BOLL: variants seen among roughly 807,000 people sequenced by gnomAD.
BOLL encodes boule RNA binding protein, also known as protein boule-like.
A neutral mutation model predicts 44.4 loss-of-function variants in BOLL; 23 were observed. The ratio of observed to expected loss-of-function variants is 0.52; its 90% confidence interval spans 0.37 to 0.73. The LOEUF (loss-of-function observed/expected upper bound fraction) is 0.73. Ranked by LOEUF, BOLL falls within the 30% of genes least tolerant of loss-of-function variation. The pLI is 0.00. For missense variants in BOLL, 287 were observed against 338.3 expected (o/e 0.85, Z 1.19); for synonymous variants, 97 against 110.8 (o/e 0.88, Z 0.78).
chr2:197,771,814 T>G (rs754651656), intron 6 of BOLL, 41 bp downstream of exon 6: 1 of 1,485,038 alleles, frequency 6.7e-7, no homozygotes, highest in South Asian at 1.3e-5. Context: ...AAAAAATTGA[T>G]AGTAATAGAT....
At chr2:197,742,507 C>T (rs1452930080) in intron 10 of BOLL, among the ~76,000 whole-genome samples, 1 of 152,118 alleles carries the variant, frequency 6.6e-6, no homozygotes, top group East Asian at 1.9e-4. Flanking sequence ...AGTTCATGTC[C>T]TTTGTAGGGA....
intron 2 of BOLL, among the ~76,000 whole-genome samples, chr2:197,779,785 A>T (rs921479822): frequency 6.6e-6 from 1 of 151,956 alleles, no homozygotes; most frequent in African/African-American, 2.4e-5. Context: ...GACTCATATC[A>T]CCTTTTCTCA....
At chr2:197,757,706 C>G (rs1316797413) in intron 7 of BOLL, among the ~76,000 whole-genome samples, 2 of 152,054 alleles carry the variant, frequency 1.3e-5, no homozygotes, top group Non-Finnish European at 2.9e-5. Flanking sequence ...TAGATTTCAT[C>G]AAAACTTTAA....
At chr2:197,750,102 G>T (rs1171419106) in intron 9 of BOLL, among the ~76,000 whole-genome samples, 1 of 152,204 alleles carries the variant, frequency 6.6e-6, no homozygotes, top group Non-Finnish European at 1.5e-5. Flanking sequence ...AATGCTGAGA[G>T]ACTTTGTCAC....
intron 10 of BOLL, among the ~76,000 whole-genome samples, chr2:197,734,328 G>A (rs2106314205): frequency 1.3e-5 from 2 of 152,224 alleles, no homozygotes; most frequent in South Asian, 4.2e-4. Context: ...TGCTGGAGAA[G>A]ATGTGGAGAA....
chr2:197,771,040 C>T (rs1689228346), intron 6 of BOLL, among the ~76,000 whole-genome samples: 1 of 152,136 alleles, frequency 6.6e-6, no homozygotes, highest in South Asian at 2.1e-4. Context: ...TATAAAGAAA[C>T]ATGTAAACGT....
chr2:197,768,832 T>G (rs1330769298), intron 6 of BOLL, among the ~76,000 whole-genome samples: 1 of 149,488 alleles, frequency 6.7e-6, no homozygotes, highest in South Asian at 2.2e-4. Context: ...TGAGATACGT[T>G]CCATCAATAC....
chr2:197,757,213 T>A, intron 8 of BOLL, 140 bp downstream of exon 8: 1 of 652,366 alleles, frequency 1.5e-6, no homozygotes, highest in African/African-American at 1.8e-5. Flanking sequence ...ATGAAGAAAC[T>A]GAAAATGAAC....
chr2:197,775,799 A>G, intron 4 of BOLL, 59 bp from the exon 5 acceptor site: 1 of 1,053,300 alleles, frequency 9.5e-7, no homozygotes, highest in East Asian at 2.9e-5. Context: ...TATAAAATCA[A>G]TAAGGAAAAA....
chr2:197,734,937 T>G (rs1687412701), intron 10 of BOLL, among the ~76,000 whole-genome samples: 1 of 152,082 alleles, frequency 6.6e-6, no homozygotes, highest in South Asian at 2.1e-4. Context: ...ACATGTATCC[T>G]AAAACTTAAA....
intron 6 of BOLL, among the ~76,000 whole-genome samples, chr2:197,770,825 G>C (rs564725832): frequency 6.6e-6 from 1 of 151,990 alleles, no homozygotes; most frequent in South Asian, 2.1e-4. Flanking sequence ...TTAGAATGGC[G>C]ATCATTAAAA....
chr2:197,755,725 C>T (rs1255606166), intron 9 of BOLL, among the ~76,000 whole-genome samples: 1 of 152,170 alleles, frequency 6.6e-6, no homozygotes, highest in African/African-American at 2.4e-5. Context: ...AGGGGCACAA[C>T]ACACATTGGG....
intron 9 of BOLL, among the ~76,000 whole-genome samples, chr2:197,748,938 T>C (rs1436417178): frequency 6.6e-6 from 1 of 152,228 alleles, no homozygotes; most frequent in Non-Finnish European, 1.5e-5. Context: ...GCCTCCTGAC[T>C]GGGAGATACC....
Position 197,728,262 on chromosome 2 carries a change from T to C in BOLL, c.*293A>G, listed in dbSNP as rs188654881. Reference sequence around the variant, plus strand: ...AGACACCTCACTATTCCCAATGTGGTTATTATTTATGGAATGGATAAAACA... The same window carrying C: ...AGACACCTCACTATTCCCAATGTGGCTATTATTTATGGAATGGATAAAACA... On this transcript the variant is annotated 3_prime_UTR_variant, in exon 11 of 11. Coordinates refer to ENST00000392296, the MANE Select transcript of BOLL (RefSeq NM_033030.6). 98 of 447,940 alleles carry C rather than the reference T, an allele frequency of 2.2e-4. 1 individual carries two copies. In the East Asian group the frequency reaches 2.8e-3, roughly 13 times the overall value. 27.7% of individuals were successfully genotyped at this position (447,940 alleles called of 1,614,324 possible).
At chr2:197,738,594 A>G (rs1687600675) in intron 10 of BOLL, among the ~76,000 whole-genome samples, 1 of 152,214 alleles carries the variant, frequency 6.6e-6, no homozygotes, top group Non-Finnish European at 1.5e-5. Flanking sequence ...CAAACTCTGC[A>G]TAAGGTTTCT....
chr2:197,771,920 T>C lies in BOLL; in HGVS notation c.415A>G (p.Thr139Ala). The C allele has an allele frequency of 6.3e-7, 1 of 1,599,238 alleles. No individual in the cohort carries two copies. Among genetic ancestry groups the C allele is most frequent in the Non-Finnish European group, 8.5e-7 (1 of 1,170,468 alleles). The change falls in exon 6 of 11, where the codon ACT (threonine) becomes GCT (alanine). Residue 139 changes from threonine (T) to alanine (A), a missense_variant. Transcript: ENST00000392296. ...YLTTSTGYPY[T>A]YHNGVAYFHT... ...AAATAAGCAACACCATTATGGTAAG[T>C]ATAAGGATATCCAGTTGAAGTTGTT...
chr2:197,779,342 G>T (rs1214758047), intron 2 of BOLL, among the ~76,000 whole-genome samples: 2 of 151,962 alleles, frequency 1.3e-5, no homozygotes, highest in African/African-American at 4.8e-5. Context: ...ATCTTTAAAT[G>T]ATTCTTGTTC....
chr2:197,747,032 C>A (rs1175788615), intron 9 of BOLL, among the ~76,000 whole-genome samples: 1 of 151,868 alleles, frequency 6.6e-6, no homozygotes. Flanking sequence ...TGAAGATCTA[C>A]TGTATAGCAT....
At chr2:197,764,206 G>A (rs1688888665) in intron 7 of BOLL, among the ~76,000 whole-genome samples, 1 of 152,102 alleles carries the variant, frequency 6.6e-6, no homozygotes. Context: ...TGGAGAAAAG[G>A]AAATCATTGT....
Sources: gnomAD v4.1 joint callset for allele counts (sites outside exome capture counted in the v4.1 genomes callset) on GRCh38, gnomAD v4.1.1 for gene constraint, MANE v1.5 for transcripts, NCBI Gene and HGNC (gene_info 2026-07-23, HGNC 2026-07-21) for gene names.